The following CAPN9 variants were observed in gnomAD, a reference collection of about 807,000 sequenced individuals.
The protein encoded by CAPN9 is calpain-9.
A neutral mutation model predicts 92.8 loss-of-function variants in CAPN9; 81 were observed. That is an observed-to-expected ratio of 0.87 (90% confidence interval 0.73 to 1.05). The LOEUF (loss-of-function observed/expected upper bound fraction) is 1.05, where lower values mean the gene tolerates loss of function less well. Among genes scored for constraint, CAPN9 ranks in the 50% least tolerant of loss-of-function variants. The probability of loss-of-function intolerance (pLI) is 0.00; values close to 1 mark genes in which losing one functional copy is unlikely to be tolerated. For synonymous variants in CAPN9, 304 were observed against 328.0 expected (o/e 0.93, Z 0.79); for missense variants, 848 against 866.2 (o/e 0.98, Z 0.26).
chr1:230,774,717 T>G (rs571932238), intron 8 of CAPN9, 86 bp downstream of exon 8: 2 of 856,606 alleles, frequency 2.3e-6, no homozygotes, highest in East Asian at 2.4e-5. Context: ...TCTCTCTCGC[T>G]TTCCTTTTTC....
intron 19 of CAPN9, 97 bp from the exon 20 acceptor site, chr1:230,801,473 C>T: frequency 9.1e-7 from 1 of 1,103,056 alleles, no homozygotes; most frequent in Non-Finnish European, 1.4e-6. Flanking sequence ...AATAGCAGAT[C>T]TCCTGTGATA....
rs114801550 is a variant in CAPN9, at chr1:230,786,073, C to T, written c.1518+56C>T. ...GGATTCAGGTGATGGTTCTGGAAAC[C>T]TTCCTTCTAATCACAGCATCATGTA... On this transcript the variant is annotated intron_variant, in intron 12 of 19. Coordinates refer to ENST00000271971, the MANE Select transcript of CAPN9 (RefSeq NM_006615.3). 2.5e-5 allele frequency: 40 copies of T among 1,609,420 alleles called. No individual in the cohort carries two copies. The African/African-American group carries it at 5.1e-4, about 20-fold the overall frequency.
chr1:230,751,605 GAA>G (rs1418807539), intron 1 of CAPN9, among the ~76,000 whole-genome samples: 11 of 30,032 alleles, frequency 3.7e-4, no homozygotes, highest in African/African-American at 8.2e-4. Context: ...AAGAAAGAAA[GAA>G]AGAGAAAGAA....
At chr1:230,757,790 G>A (rs1665348086) in intron 2 of CAPN9, among the ~76,000 whole-genome samples, 3 of 151,842 alleles carry the variant, frequency 2.0e-5, no homozygotes, top group South Asian at 4.2e-4. Context: ...GGGGGTGGGG[G>A]TAGGGGTGGA....
chr1:230,785,074 A>G (rs534090197), intron 11 of CAPN9, among the ~76,000 whole-genome samples: 14 of 152,234 alleles, frequency 9.2e-5, no homozygotes, highest in South Asian at 2.1e-4. Context: ...TCAAACTTGC[A>G]TGGGGCCTGT....
chr1:230,756,106 T>C (rs1665211537), intron 2 of CAPN9, among the ~76,000 whole-genome samples: 1 of 152,108 alleles, frequency 6.6e-6, no homozygotes, highest in African/African-American at 2.4e-5. Flanking sequence ...AAAATACCAG[T>C]GAAATCAGCC....
At chr1:230,789,046 G>A (rs759384864) in intron 13 of CAPN9, among the ~76,000 whole-genome samples, 3 of 152,070 alleles carry the variant, frequency 2.0e-5, no homozygotes, top group Non-Finnish European at 2.9e-5. Flanking sequence ...TTTCAGTGGG[G>A]GCCTGGCTGG....
At chr1:230,753,691 T>C (rs1665005690) in intron 1 of CAPN9, among the ~76,000 whole-genome samples, 3 of 152,136 alleles carry the variant, frequency 2.0e-5, no homozygotes, top group Non-Finnish European at 4.4e-5. Context: ...TCCTCAGTCC[T>C]GGTGCCTGGA....
chr1:230,801,160 C>T (rs1373569853), intron 19 of CAPN9, among the ~76,000 whole-genome samples: 2 of 152,160 alleles, frequency 1.3e-5, no homozygotes, highest in Non-Finnish European at 2.9e-5. Flanking sequence ...GCTATGGAAC[C>T]TGCTTCCACT....
chr1:230,799,750 A>T (rs192543669), intron 19 of CAPN9, among the ~76,000 whole-genome samples: 1 of 152,312 alleles, frequency 6.6e-6, no homozygotes, highest in East Asian at 1.9e-4. Flanking sequence ...AAATAAGAGG[A>T]AGCTGGGCAT....
At chr1:230,748,983 T>G (rs1252355879) in intron 1 of CAPN9, among the ~76,000 whole-genome samples, 2 of 152,152 alleles carry the variant, frequency 1.3e-5, no homozygotes, top group Non-Finnish European at 2.9e-5. Flanking sequence ...GGAATTTGAC[T>G]GTGTATGTGC....
chr1:230,775,195 T>G (rs1318213652), intron 8 of CAPN9, among the ~76,000 whole-genome samples: 1 of 152,112 alleles, frequency 6.6e-6, no homozygotes, highest in South Asian at 2.1e-4. Context: ...TGCAATCCAA[T>G]AGAGGAAGAG....
At chr1:230,801,157 A>T (rs1668704867) in intron 19 of CAPN9, among the ~76,000 whole-genome samples, 1 of 152,138 alleles carries the variant, frequency 6.6e-6, no homozygotes, top group African/African-American at 2.4e-5. Flanking sequence ...CCAGCTATGG[A>T]ACCTGCTTCC....
intron 5 of CAPN9, among the ~76,000 whole-genome samples, chr1:230,768,055 A>AT (rs772031946): frequency 8.7e-5 from 7 of 80,720 alleles, no homozygotes; most frequent in Non-Finnish European, 2.2e-4. Flanking sequence ...TAAATAAATA[A>AT]AAAATAAAAT....
intron 1 of CAPN9, among the ~76,000 whole-genome samples, chr1:230,754,644 A>C (rs1198174508): frequency 1.3e-5 from 2 of 149,780 alleles, no homozygotes; most frequent in Non-Finnish European, 3.0e-5. Context: ...CTCCACAAAA[A>C]AAAAAAAAAA....
intron 1 of CAPN9, among the ~76,000 whole-genome samples, chr1:230,749,861 A>T (rs1457784714): frequency 6.6e-6 from 1 of 151,876 alleles, no homozygotes; most frequent in Non-Finnish European, 1.5e-5. Flanking sequence ...TCGTCTCCTG[A>T]CTCTAGGAGG....
At chr1:230,783,207 A>T (rs1667345551) in intron 11 of CAPN9, among the ~76,000 whole-genome samples, 1 of 152,212 alleles carries the variant, frequency 6.6e-6, no homozygotes, top group Non-Finnish European at 1.5e-5. Flanking sequence ...AGGTGCTGCT[A>T]TTCTACAAAA....
chr1:230,786,646 C>T (rs1246658252), intron 12 of CAPN9, among the ~76,000 whole-genome samples: 5 of 152,098 alleles, frequency 3.3e-5, no homozygotes, highest in Non-Finnish European at 5.9e-5. Context: ...CTGGCCTTCC[C>T]GAGCTCTATT....
At chr1:230,770,938 C>T (rs1375742154) in intron 6 of CAPN9, among the ~76,000 whole-genome samples, 2 of 152,184 alleles carry the variant, frequency 1.3e-5, no homozygotes, top group African/African-American at 4.8e-5. Context: ...CCGTTGGACT[C>T]TTTGGGATTC....
Sources: allele counts gnomAD v4.1 joint callset (sites outside exome capture counted in the v4.1 genomes callset), GRCh38; gene constraint gnomAD v4.1.1; transcripts MANE v1.5; gene names NCBI Gene and HGNC (gene_info 2026-07-23, HGNC 2026-07-21).